GID4: variants seen among roughly 807,000 people sequenced by gnomAD.
The protein encoded by GID4 is glucose-induced degradation protein 4 homolog.
GID4 carries 7 observed loss-of-function variants against 32.4 expected under a neutral mutation model. The observed-to-expected ratio is 0.22, with a 90% CI of 0.12 to 0.41. The LOEUF is 0.41. GID4 is among the 10% of genes least tolerant of loss of function. The pLI, the probability that GID4 is intolerant of heterozygous loss-of-function variation, is 1.00. For synonymous variants in GID4, 166 were observed against 170.0 expected (o/e 0.98, Z 0.18); for missense variants, 309 against 400.0 (o/e 0.77, Z 1.94).
At chr17:18,040,508 C>T (rs1472094622) in intron 1 of GID4, among the ~76,000 whole-genome samples, 3 of 152,174 alleles carry the variant, frequency 2.0e-5, no homozygotes, top group Non-Finnish European at 4.4e-5. Flanking sequence ...ACCTCAAGAC[C>T]AGGCACTCAC....
intron 1 of GID4, among the ~76,000 whole-genome samples, chr17:18,044,730 A>C (rs1254180168): frequency 2.0e-5 from 3 of 152,220 alleles, no homozygotes; most frequent in Non-Finnish European, 4.4e-5. Flanking sequence ...AAATAGAAAA[A>C]GGCTTGAAAG....
intron 2 of GID4, among the ~76,000 whole-genome samples, chr17:18,048,673 T>C (rs895302143): frequency 6.6e-6 from 1 of 151,528 alleles, no homozygotes; most frequent in Middle Eastern, 3.4e-3. Flanking sequence ...GGAAGAGTCT[T>C]GCTCTGTCAC....
chr17:18,059,515 C>G (rs775632859), intron 4 of GID4, among the ~76,000 whole-genome samples: 1 of 152,174 alleles, frequency 6.6e-6, no homozygotes, highest in Non-Finnish European at 1.5e-5. Context: ...GTTTTTGACT[C>G]AGCAGACCTC....
intron 3 of GID4, chr17:18,056,926 C>T (rs2044973294): frequency 6.4e-7 from 1 of 1,550,514 alleles, no homozygotes; most frequent in Non-Finnish European, 8.7e-7. Context: ...CCCAGGTTCC[C>T]ACGTGGGACT....
chr17:18,053,972 T>C (rs907137997), intron 2 of GID4, among the ~76,000 whole-genome samples, 155 bp from the exon 3 acceptor site: 11 of 152,204 alleles, frequency 7.2e-5, no homozygotes. Context: ...CCACAGCCTG[T>C]TGGCAAACTG....
intron 5 of GID4, 183 bp downstream of exon 5, chr17:18,062,158 C>T: frequency 3.5e-6 from 2 of 568,484 alleles, no homozygotes; most frequent in Middle Eastern, 4.8e-4. Flanking sequence ...TCCCTATGCA[C>T]AGAGCAGAGT....
chr17:18,050,223 C>T (rs2044897072), intron 2 of GID4, among the ~76,000 whole-genome samples: 1 of 152,122 alleles, frequency 6.6e-6, no homozygotes, highest in Non-Finnish European at 1.5e-5. Flanking sequence ...ATGATTTATA[C>T]TCCTCTGGGT....
At chr17:18,059,421 C>T (rs559551055) in intron 4 of GID4, among the ~76,000 whole-genome samples, 3 of 152,308 alleles carry the variant, frequency 2.0e-5, no homozygotes, top group Middle Eastern at 6.8e-3. Flanking sequence ...CCCTCCACCA[C>T]ATCCTTTTCC....
rs1242282434 is a variant in GID4, at chr17:18,066,679, A to C, written c.*1436A>C. 6 of 152,150 alleles carry C rather than the reference A, an allele frequency of 3.9e-5. No homozygotes were observed. The highest frequency in any genetic ancestry group is 8.8e-5 in the Non-Finnish European group (6 of 68,042). The allele number at this position is 152,150 out of a possible 1,614,324, so 9.4% of individuals were successfully genotyped here. A position where few individuals can be genotyped will look rare whatever the true frequency, so the allele number is the denominator to read the frequency against. Reference sequence around the variant, plus strand: ...AGGAGCAAAGCAACCTGGAGGCTGCATATCCATGGGCGGGCAGCATAAGAG... The same window carrying C: ...AGGAGCAAAGCAACCTGGAGGCTGCCTATCCATGGGCGGGCAGCATAAGAG... On this transcript the variant is annotated 3_prime_UTR_variant, in exon 6 of 6. Coordinates refer to ENST00000268719, the MANE Select transcript of GID4 (RefSeq NM_024052.5).
intron 3 of GID4, among the ~76,000 whole-genome samples, chr17:18,058,561 G>T (rs532247485): frequency 6.6e-6 from 1 of 152,128 alleles, no homozygotes; most frequent in African/African-American, 2.4e-5. Flanking sequence ...CTTAGCTTTC[G>T]TCTGTTTATT....
In GID4 at chr17:18,061,386, A is replaced by G. The variant is rs993640390; in HGVS notation, c.709-459A>G. On this transcript the variant is annotated intron_variant, in intron 4 of 5. Coordinates refer to ENST00000268719, the MANE Select transcript of GID4 (RefSeq NM_024052.5). This position sits in a 1 kb window ranked among gnomAD's most constrained non-coding sequence, Gnocchi z 4.4. The stretch of plus-strand genomic sequence containing the variant: ...CAGGGGCTACTGGCAACTGCTTTGC[A>G]CTCAGAATGGTCCACAGACCTACAG... Among the ~76,000 whole-genome samples the G allele has an allele frequency of 2.6e-5, 4 of 152,162 alleles. No homozygotes were observed. The highest frequency in any genetic ancestry group is 5.9e-5 in the Non-Finnish European group (4 of 68,022).
At chr17:18,049,204 C>G (rs2044885018) in intron 2 of GID4, among the ~76,000 whole-genome samples, 1 of 151,262 alleles carries the variant, frequency 6.6e-6, no homozygotes, top group Non-Finnish European at 1.5e-5. Context: ...GACATGGTGG[C>G]GGGCACCTGT....
At chr17:18,051,601 G>C (rs1318146229) in intron 2 of GID4, among the ~76,000 whole-genome samples, 5 of 151,936 alleles carry the variant, frequency 3.3e-5, no homozygotes, top group Non-Finnish European at 5.9e-5. Context: ...CTTGAACCCG[G>C]GAGGCGGAGG....
chr17:18,054,741 C>T (rs2044948294), intron 3 of GID4, among the ~76,000 whole-genome samples: 1 of 152,184 alleles, frequency 6.6e-6, no homozygotes, highest in Non-Finnish European at 1.5e-5. Context: ...GTCTTAAGTA[C>T]ACCACTATAA....
At chr17:18,054,627 TGAGA>T (rs1180683291) in intron 3 of GID4, among the ~76,000 whole-genome samples, 1 of 152,072 alleles carries the variant, frequency 6.6e-6, no homozygotes, top group Non-Finnish European at 1.5e-5. Context: ...GGGGCTGGCA[TGAGA>T]TGGAGATGAT....
At chr17:18,047,487 A>G (rs967958196) in intron 2 of GID4, among the ~76,000 whole-genome samples, 21 of 152,272 alleles carry the variant, frequency 1.4e-4, no homozygotes, top group Non-Finnish European at 4.4e-5. Flanking sequence ...TGCTAATGGC[A>G]TTGAGCTCTC....
chr17:18,065,467 T>C lies in GID4; in HGVS notation c.*224T>C, dbSNP rs2045052962. On this transcript the variant is annotated 3_prime_UTR_variant, in exon 6 of 6. Coordinates refer to ENST00000268719, the MANE Select transcript of GID4 (RefSeq NM_024052.5). ...CGTTCTTCCTCCCCTCAGTGGCAGTTTGGTCTTCACCTGTTTTTAAGCTAC... is the reference window on the plus strand; with the variant it reads ...CGTTCTTCCTCCCCTCAGTGGCAGTCTGGTCTTCACCTGTTTTTAAGCTAC... 1 of 567,768 alleles carries C rather than the reference T, an allele frequency of 1.8e-6. No homozygotes were observed. Among genetic ancestry groups the C allele is most frequent in the South Asian group, 2.0e-5 (1 of 50,494 alleles). 35.2% of individuals were successfully genotyped at this position (567,768 alleles called of 1,614,324 possible).
At chr17:18,064,381 T>C (rs973961832) in intron 5 of GID4, among the ~76,000 whole-genome samples, 3 of 152,200 alleles carry the variant, frequency 2.0e-5, no homozygotes, top group African/African-American at 4.8e-5. Context: ...CAGTATTTCA[T>C]TGTAGTTCTA....
rs1268697127 is a variant in GID4, at chr17:18,039,551, G to A, written c.87G>A (p.Pro29=). 8 of 1,306,410 alleles carry A rather than the reference G, an allele frequency of 6.1e-6. No individual in the cohort carries two copies. Among genetic ancestry groups the A allele is most frequent in the Non-Finnish European group, 7.7e-6 (8 of 1,032,290 alleles). 80.9% of individuals were successfully genotyped at this position (1,306,410 alleles called of 1,614,324 possible). A position where few individuals can be genotyped will look rare whatever the true frequency, so the allele number is the denominator to read the frequency against. The change falls in exon 1 of 6, where the codon CCG becomes CCA. Residue 29 remains proline, a synonymous_variant. Transcript: ENST00000268719. This position sits in a 1 kb window ranked among gnomAD's most constrained non-coding sequence, Gnocchi z 5.3. ...AGGTCCCTGGGTCCCGGTGGCGGCC[G>A]GAGCGCTTGCTCCGCAGGCAGCGGG... is the stretch of plus-strand genomic sequence containing the variant. ...CSQVPGSRWR[P]ERLLRRQRAG...
Sources: allele counts gnomAD v4.1 joint callset (sites outside exome capture counted in the v4.1 genomes callset), GRCh38; gene constraint gnomAD v4.1.1; non-coding constraint Gnocchi (gnomAD v3.1); transcripts MANE v1.5; gene names NCBI Gene and HGNC (gene_info 2026-07-23, HGNC 2026-07-21).